The following PPP1R1C variants were observed in gnomAD, a reference collection of about 807,000 sequenced individuals.
The protein encoded by PPP1R1C is protein phosphatase 1 regulatory subunit 1C.
Under a neutral mutation model 17.4 loss-of-function variants are expected in PPP1R1C, and 15 were observed. The observed-to-expected ratio is 0.86, with a 90% confidence interval of 0.58 to 1.33. The LOEUF (loss-of-function observed/expected upper bound fraction) is 1.33. Among genes scored for constraint, PPP1R1C ranks in the 40% most tolerant of loss-of-function variants. PPP1R1C has a pLI of 0.00. For missense variants in PPP1R1C, 143 were observed against 130.0 expected, an observed-to-expected ratio of 1.10 and a Z score of -0.48; for synonymous variants, 35 against 43.1, an observed-to-expected ratio of 0.81 and a Z score of 0.73.
chr2:182,122,921 A>T (rs1159804015), intron 5 of PPP1R1C, among the ~76,000 whole-genome samples: 4 of 152,078 alleles, frequency 2.6e-5, no homozygotes, highest in Non-Finnish European at 5.9e-5. Flanking sequence ...TTTGTTACAT[A>T]GGTATACAGG....
At chr2:182,098,499 A>G (rs1206217543) in intron 4 of PPP1R1C, among the ~76,000 whole-genome samples, 1 of 152,180 alleles carries the variant, frequency 6.6e-6, no homozygotes, top group African/African-American at 2.4e-5. Flanking sequence ...ACAAATATCT[A>G]AAATAAGTAA....
At chr2:181,995,405 A>C (rs1165540640) in intron 2 of PPP1R1C, among the ~76,000 whole-genome samples, 1 of 152,118 alleles carries the variant, frequency 6.6e-6, no homozygotes, top group Non-Finnish European at 1.5e-5. Context: ...TCCTCCTAAG[A>C]CCCAAGAAGC....
chr2:182,092,690 C>T (rs1688816966), intron 4 of PPP1R1C, among the ~76,000 whole-genome samples: 1 of 152,188 alleles, frequency 6.6e-6, no homozygotes, highest in Non-Finnish European at 1.5e-5. Flanking sequence ...AACAAAGGTG[C>T]TACAGGCCCA....
chr2:182,047,070 G>C lies in PPP1R1C; in HGVS notation c.143-14372G>C, dbSNP rs187544942. Among the ~76,000 whole-genome samples, 107 of 152,268 alleles carry C rather than the reference G, an allele frequency of 7.0e-4. No individual in the cohort carries two copies. The East Asian group carries it at 0.015, about 22-fold the overall frequency. On this transcript the variant is annotated intron_variant, in intron 2 of 4. Coordinates refer to ENST00000682840, the MANE Select transcript of PPP1R1C (RefSeq NM_001080545.3). ...AGTGCCTCTCAGAACCATCTTTAAAGTGAATGCTCTCAAAATTTCCTGTCA... is the reference window on the plus strand; with the variant it reads ...AGTGCCTCTCAGAACCATCTTTAAACTGAATGCTCTCAAAATTTCCTGTCA...
chr2:182,048,734 T>A (rs1434446904), intron 2 of PPP1R1C: 3 of 152,212 alleles, frequency 2.0e-5, no homozygotes, highest in African/African-American at 7.2e-5. Flanking sequence ...CCTCCTTATA[T>A]TGTTCAACTG....
chr2:181,963,152 C>A (rs1684839410), intron 1 of PPP1R1C, among the ~76,000 whole-genome samples: 1 of 152,160 alleles, frequency 6.6e-6, no homozygotes, highest in South Asian at 2.1e-4. Context: ...CATTATCTAA[C>A]AATTCCGTTT....
At chr2:182,058,153 CA>C (rs1181821325) in intron 2 of PPP1R1C, among the ~76,000 whole-genome samples, 1 of 151,948 alleles carries the variant, frequency 6.6e-6, no homozygotes, top group Non-Finnish European at 1.5e-5. Flanking sequence ...TCCAGAATCC[CA>C]TTTAGGATAC....
Position 181,961,324 on chromosome 2 carries a change from T to C in PPP1R1C, n.111+6690T>C. ...GGCATCACCAAGATTGAAGTCATCA[T>C]CATCAAGCAGGCGGTGGTAGGTGGC... On this transcript the variant is annotated intron_variant and non_coding_transcript_variant, in intron 1 of 5. Coordinates refer to the PPP1R1C transcript ENST00000464264. The surrounding 1 kb of genome is among the most constrained non-coding windows in gnomAD (Gnocchi z 5.8). 2 of 729,950 alleles carry C rather than the reference T, an allele frequency of 2.7e-6. No homozygotes were observed. The highest frequency in any genetic ancestry group is 5.0e-6 in the Non-Finnish European group (2 of 401,666). The allele number at this position is 729,950 out of a possible 1,614,324, so 45.2% of individuals were successfully genotyped here.
intron 4 of PPP1R1C, among the ~76,000 whole-genome samples, chr2:182,096,879 C>G (rs1351086703): frequency 6.6e-6 from 1 of 152,298 alleles, no homozygotes; most frequent in Non-Finnish European, 1.5e-5. Flanking sequence ...TCAAGTTCTT[C>G]TAACTTCCAT....
At chr2:182,077,486 G>C (rs772660668) in intron 4 of PPP1R1C, among the ~76,000 whole-genome samples, 3 of 152,146 alleles carry the variant, frequency 2.0e-5, no homozygotes, top group African/African-American at 7.2e-5. Context: ...CCAAACCAAA[G>C]AATTCTTTGC....
At chr2:181,954,919 G>A (rs937943384) in intron 1 of PPP1R1C, among the ~76,000 whole-genome samples, 8 of 152,070 alleles carry the variant, frequency 5.3e-5, no homozygotes, top group Admixed American at 3.3e-4. Context: ...TCCATGTTTC[G>A]AAATGGCTAG....
intron 5 of PPP1R1C, among the ~76,000 whole-genome samples, chr2:182,125,244 G>T (rs765363870): frequency 2.6e-5 from 4 of 152,176 alleles, no homozygotes; most frequent in Non-Finnish European, 4.4e-5. Context: ...TCCTAGGGAT[G>T]AAGCCAACTC....
chr2:182,102,061 C>A (rs1020050525), intron 4 of PPP1R1C, among the ~76,000 whole-genome samples: 1 of 151,988 alleles, frequency 6.6e-6, no homozygotes, highest in African/African-American at 2.4e-5. Context: ...TTTCATTTGA[C>A]AAATTAGCAC....
chr2:182,024,315 C>T (rs952488536), intron 2 of PPP1R1C, among the ~76,000 whole-genome samples: 17 of 151,850 alleles, frequency 1.1e-4, no homozygotes, highest in Admixed American at 3.9e-4. Context: ...CATTATATCC[C>T]GAAATATAAG....
chr2:182,041,527 G>A (rs1687181852), intron 2 of PPP1R1C, among the ~76,000 whole-genome samples: 1 of 150,102 alleles, frequency 6.7e-6, no homozygotes. Context: ...GAAAATTGCT[G>A]GAACCCGGGA....
intron 1 of PPP1R1C, among the ~76,000 whole-genome samples, chr2:181,966,853 A>T (rs370541472): frequency 6.6e-6 from 1 of 151,950 alleles, no homozygotes; most frequent in East Asian, 1.9e-4. Flanking sequence ...TTTCTCTTCT[A>T]TTTTTCAGAA....
chr2:182,040,578 G>T (rs1303274280), intron 2 of PPP1R1C, among the ~76,000 whole-genome samples: 3 of 152,084 alleles, frequency 2.0e-5, no homozygotes, highest in African/African-American at 7.2e-5. Flanking sequence ...TGCATAGTTT[G>T]CAAATATTTT....
chr2:182,036,198 T>C (rs1354217093), intron 2 of PPP1R1C, among the ~76,000 whole-genome samples: 1 of 152,202 alleles, frequency 6.6e-6, no homozygotes, highest in Admixed American at 6.5e-5. Flanking sequence ...TCTATTTAGA[T>C]AGTTTCTCCT....
At chr2:181,985,165 T>C (rs142181501), upstream of PPP1R1C, among the ~76,000 whole-genome samples, 16 of 152,354 alleles carry the variant, frequency 1.1e-4, no homozygotes. This position sits in a 1 kb window ranked among gnomAD's most constrained non-coding sequence, Gnocchi z 4.1. Flanking sequence ...ATAGAGGTCA[T>C]TGAAGCAGCA....
Sources: allele counts gnomAD v4.1 joint callset (sites outside exome capture counted in the v4.1 genomes callset), GRCh38; gene constraint gnomAD v4.1.1; non-coding constraint Gnocchi (gnomAD v3.1); transcripts MANE v1.5; gene names NCBI Gene and HGNC (gene_info 2026-07-23, HGNC 2026-07-21).